PRMT8: variants seen among roughly 807,000 people sequenced by gnomAD.
PRMT8 encodes the protein protein arginine N-methyltransferase 8.
A neutral mutation model predicts 47.1 loss-of-function variants in PRMT8; 7 were observed. The ratio of observed to expected loss-of-function variants is 0.15; its 90% CI spans 0.08 to 0.28. The LOEUF (loss-of-function observed/expected upper bound fraction) is 0.28, where lower values mean the gene tolerates loss of function less well. Among genes scored for constraint, PRMT8 ranks in the 10% least tolerant of loss-of-function variants. PRMT8 has a pLI of 1.00. For missense variants in PRMT8, 237 were observed against 505.4 expected (o/e 0.47, Z 5.09); for synonymous variants, 188 against 186.5 (o/e 1.01, Z -0.07).
At chr12:3,511,085 T>C (rs1865705992) in intron 1 of PRMT8, among the ~76,000 whole-genome samples, 1 of 152,204 alleles carries the variant, frequency 6.6e-6, no homozygotes, top group Admixed American at 6.5e-5. Context: ...ATGAGGACTT[T>C]AAGAGGTAAG....
chr12:3,451,192 C>T (rs969763239), intron 1 of PRMT8, among the ~76,000 whole-genome samples: 3 of 152,090 alleles, frequency 2.0e-5, no homozygotes, highest in African/African-American at 4.8e-5. Flanking sequence ...ATGTGATTGG[C>T]TCACAAACTG....
At chr12:3,510,325 G>T (rs1865692844) in intron 1 of PRMT8, among the ~76,000 whole-genome samples, 1 of 152,074 alleles carries the variant, frequency 6.6e-6, no homozygotes, top group East Asian at 1.9e-4. Context: ...TTATAATAAG[G>T]TCTAGGGTTC....
Position 3,552,948 on chromosome 12 carries a change from C to T in PRMT8, c.418-703C>T, listed in dbSNP as rs1591598858. 5.8e-6 allele frequency: 2 copies of T among 344,320 alleles called. No individual in the cohort carries two copies. The highest frequency in any genetic ancestry group is 4.4e-5 in the South Asian group (2 of 45,506). 21.3% of individuals were successfully genotyped at this position (344,320 alleles called of 1,614,324 possible). A position where few individuals can be genotyped will look rare whatever the true frequency, so the allele number is the denominator to read the frequency against. On this transcript the variant is annotated intron_variant, in intron 3 of 9. Coordinates refer to ENST00000382622, the MANE Select transcript of PRMT8 (RefSeq NM_019854.5). This position sits in a 1 kb window ranked among gnomAD's most constrained non-coding sequence, Gnocchi z 4.5. ...CATGTCCAGAACCCCTGGCAGTGTG[C>T]CTGAGACGCTAACCCTGGGCTGGAG...
chr12:3,474,375 C>T (rs1000783795), intron 1 of PRMT8, among the ~76,000 whole-genome samples: 7 of 152,184 alleles, frequency 4.6e-5, no homozygotes, highest in Non-Finnish European at 1.0e-4. Flanking sequence ...AAAATGCACA[C>T]TTTTGCGCCT....
chr12:3,493,047 G>T lies in PRMT8; in HGVS notation c.75+1347G>T, dbSNP rs1001640765. ...CCTACCCCACGGCGTAGGCAGCAAA[G>T]CTTTATAAATCCCCCTTCTCTGAGA... On this transcript the variant is annotated intron_variant, in intron 1 of 9. Coordinates refer to ENST00000382622, the MANE Select transcript of PRMT8 (RefSeq NM_019854.5). The surrounding 1 kb of genome is among the most constrained non-coding windows in gnomAD (Gnocchi z 8.2). Among the ~76,000 whole-genome samples the T allele has an allele frequency of 5.9e-5, 9 of 152,166 alleles. No homozygotes were observed. Among genetic ancestry groups the T allele is most frequent in the Non-Finnish European group, 1.0e-4 (7 of 68,026 alleles).
At chr12:3,565,127 A>G (rs990763696) in intron 4 of PRMT8, among the ~76,000 whole-genome samples, 1 of 152,240 alleles carries the variant, frequency 6.6e-6, no homozygotes, top group Non-Finnish European at 1.5e-5. Context: ...TGGAGGCACC[A>G]TCTTTTTTTA....
intron 1 of PRMT8, among the ~76,000 whole-genome samples, chr12:3,428,642 A>G (rs2137066354): frequency 6.7e-6 from 1 of 148,168 alleles, no homozygotes; most frequent in South Asian, 2.1e-4. Context: ...AATAGGGTAC[A>G]CTTTTTTTTT....
rs373581546 is a variant in PRMT8, at chr12:3,528,730, G to A, written c.76-11876G>A. On this transcript the variant is annotated intron_variant, in intron 1 of 9. Transcript: ENST00000382622. ...AATTTTTGACTAGATGCCAGACATTGTAAATTTTACCTCATTGGGTGATGG... is the reference window on the plus strand; with the variant it reads ...AATTTTTGACTAGATGCCAGACATTATAAATTTTACCTCATTGGGTGATGG... Among the ~76,000 whole-genome samples, 18 of 152,042 alleles carry A rather than the reference G, an allele frequency of 1.2e-4. No homozygotes were observed. In the East Asian group the frequency reaches 1.9e-3, roughly 16 times the overall value.
At chr12:3,465,960 T>C (rs1252507395) in intron 1 of PRMT8, among the ~76,000 whole-genome samples, 7 of 152,040 alleles carry the variant, frequency 4.6e-5, no homozygotes. Flanking sequence ...AGAGAGAAAC[T>C]CTACATAGCT....
chr12:3,469,010 A>T, intron 1 of PRMT8: 1 of 309,602 alleles, frequency 3.2e-6, no homozygotes, highest in Admixed American at 3.9e-5. Context: ...CGTGCTGTCT[A>T]TTCACTGCAT....
intron 1 of PRMT8, among the ~76,000 whole-genome samples, chr12:3,537,174 AG>A (rs1386121952): frequency 1.3e-5 from 2 of 152,254 alleles, no homozygotes; most frequent in African/African-American, 2.4e-5. Flanking sequence ...TTACATATGC[AG>A]AGCTGTGGTT....
chr12:3,465,617 G>A (rs1030503834), intron 1 of PRMT8, among the ~76,000 whole-genome samples: 2 of 152,166 alleles, frequency 1.3e-5, no homozygotes, highest in African/African-American at 4.8e-5. Context: ...TATTTTGAAG[G>A]CATAGGGAGT....
intron 1 of PRMT8, among the ~76,000 whole-genome samples, chr12:3,512,255 C>T (rs1381819868): frequency 1.3e-5 from 2 of 152,178 alleles, no homozygotes; most frequent in Non-Finnish European, 2.9e-5. Flanking sequence ...ACCTCCCTGA[C>T]TGTTCTCTCT....
At position 3,550,216 on chromosome 12, in the gene PRMT8, G is replaced by A. The variant is rs1866392077; in HGVS notation, c.417+125G>A. ...TCTTTTGCTGGGGTCACACCTTCGA[G>A]GAGTAGAAGAAATCAGGTGTGACTC... is the stretch of plus-strand genomic sequence containing the variant. On this transcript the variant is annotated intron_variant, in intron 3 of 9. Transcript: ENST00000382622. The surrounding 1 kb of genome is among the most constrained non-coding windows in gnomAD (Gnocchi z 5.1). 4 of 1,203,566 alleles carry A rather than the reference G, an allele frequency of 3.3e-6. No individual in the cohort carries two copies. In the Admixed American group the frequency reaches 9.0e-5, roughly 27 times the overall value. 74.6% of individuals were successfully genotyped at this position (1,203,566 alleles called of 1,614,324 possible).
At chr12:3,521,920 G>T (rs1210270529) in intron 1 of PRMT8, among the ~76,000 whole-genome samples, 1 of 7,630 alleles carries the variant, frequency 1.3e-4, no homozygotes, top group Non-Finnish European at 5.4e-4. Context: ...TTCAAACAAT[G>T]GGAGCGACTT....
chr12:3,553,032 A>G (rs1866452993), intron 3 of PRMT8: 1 of 276,478 alleles, frequency 3.6e-6, no homozygotes, highest in Non-Finnish European at 7.3e-6. Flanking sequence ...CTCATCTCTC[A>G]AATACCTTGG....
intron 1 of PRMT8, among the ~76,000 whole-genome samples, chr12:3,442,908 C>T (rs370681071): frequency 2.0e-4 from 30 of 152,258 alleles, no homozygotes; most frequent in South Asian, 6.2e-4. Flanking sequence ...CCACCCGCCT[C>T]GGCCTCCCAA....
chr12:3,407,368 T>C (rs1355862971), intron 1 of PRMT8, among the ~76,000 whole-genome samples: 1 of 74,448 alleles, frequency 1.3e-5, no homozygotes, highest in Non-Finnish European at 2.6e-5. Context: ...CTTGGCTGAC[T>C]TTTTTTTTTC....
chr12:3,545,984 TC>T (rs1866322166), intron 2 of PRMT8, among the ~76,000 whole-genome samples: 1 of 152,204 alleles, frequency 6.6e-6, no homozygotes, highest in African/African-American at 2.4e-5. Flanking sequence ...AAGATTAAAG[TC>T]ATGCAGAGTA....
Sources: gnomAD v4.1 joint callset for allele counts (sites outside exome capture counted in the v4.1 genomes callset) on GRCh38, gnomAD v4.1.1 for gene constraint, Gnocchi (gnomAD v3.1) non-coding constraint, MANE v1.5 for transcripts, NCBI Gene and HGNC (gene_info 2026-07-23, HGNC 2026-07-21) for gene names.